Variants in PSPH observed in about 807,000 individuals in gnomAD.
PSPH encodes the protein L-3-phosphoserine phosphatase.
Under a neutral mutation model 23.4 loss-of-function variants are expected in PSPH, and 16 were observed. The ratio of observed to expected loss-of-function variants is 0.68; its 90% CI spans 0.46 to 1.04. The LOEUF is 1.04. Ranked by LOEUF, PSPH falls within the 50% of genes least tolerant of loss-of-function variation. The pLI is 0.00. For synonymous variants in PSPH, 68 were observed against 99.7 expected (o/e 0.68, Z 1.89); for missense variants, 223 against 273.7 (o/e 0.81, Z 1.31).
chr7:56,034,768 G>T (rs904732552), intron 1 of PSPH, among the ~76,000 whole-genome samples: 7 of 151,554 alleles, frequency 4.6e-5, no homozygotes, highest in Non-Finnish European at 8.8e-5. Context: ...CGCCCGCCTT[G>T]GCCTCCCAAA....
intron 1 of PSPH, among the ~76,000 whole-genome samples, chr7:56,048,104 C>T: frequency 6.6e-6 from 1 of 151,884 alleles, no homozygotes; most frequent in East Asian, 2.0e-4. Context: ...CATGGTGAAA[C>T]CCCATTTCTA....
intron 1 of PSPH, among the ~76,000 whole-genome samples, chr7:56,037,867 C>G (rs1791940863): frequency 6.6e-6 from 1 of 151,644 alleles, no homozygotes; most frequent in Non-Finnish European, 1.5e-5. Flanking sequence ...CATGCACCAC[C>G]ATGCCCGGCT....
chr7:56,016,577 G>GCT (rs1554347340), intron 6 of PSPH, among the ~76,000 whole-genome samples: 1 of 149,666 alleles, frequency 6.7e-6, no homozygotes, highest in Non-Finnish European at 1.5e-5. Context: ...TCTCTGTCTT[G>GCT]TTTTTTTTTA....
At chr7:56,021,013 A>G in intron 4 of PSPH, 60 bp downstream of exon 4, 2 of 1,607,292 alleles carry the variant, frequency 1.2e-6, no homozygotes, top group East Asian at 2.2e-5. Context: ...ACTTCATCCA[A>G]AACAGTCACT....
At chr7:56,036,350 G>A (rs548107159) in intron 1 of PSPH, among the ~76,000 whole-genome samples, 1 of 152,278 alleles carries the variant, frequency 6.6e-6, no homozygotes. Flanking sequence ...ACTCAAGTAA[G>A]TAAATGTGGA....
rs1455581364 is a variant in PSPH at position 56,015,011 on chromosome 7, C to T, written c.570+12G>A. ...TACAACCTGAAAAAAAATTAGCACC[C>T]TTAATACATACAGCAGGAGGACAGG... On this transcript the variant is annotated intron_variant, in intron 7 of 7. Transcript: ENST00000275605. 10 of 1,612,822 alleles carry T rather than the reference C, an allele frequency of 6.2e-6. No individual in the cohort carries two copies. Among genetic ancestry groups the T allele is most frequent in the African/African-American group, 2.7e-5 (2 of 74,838 alleles).
chr7:56,038,636 A>G (rs1346011927), intron 1 of PSPH, among the ~76,000 whole-genome samples: 1 of 151,920 alleles, frequency 6.6e-6, no homozygotes, highest in African/African-American at 2.4e-5. Context: ...GGAGTTCAAG[A>G]CCACCCTGGG....
intron 1 of PSPH, among the ~76,000 whole-genome samples, chr7:56,045,400 T>C (rs1193397066): frequency 6.6e-6 from 1 of 151,950 alleles, no homozygotes; most frequent in Non-Finnish European, 1.5e-5. Flanking sequence ...AAGGTCGAGG[T>C]TGCAGTAAGC....
chr7:56,021,949 C>CAAAA (rs753210160), intron 3 of PSPH, among the ~76,000 whole-genome samples: 16 of 41,794 alleles, frequency 3.8e-4, no homozygotes, highest in East Asian at 2.0e-3. Context: ...GACTCCGTCT[C>CAAAA]AAAAAAAAAA....
intron 1 of PSPH, among the ~76,000 whole-genome samples, chr7:56,037,181 A>AAG (rs1459863734): frequency 6.6e-6 from 1 of 151,968 alleles, no homozygotes; most frequent in East Asian, 1.9e-4. Flanking sequence ...CTCAAAAAAA[A>AAG]AAAAAAAAAG....
intron 4 of PSPH, among the ~76,000 whole-genome samples, 163 bp downstream of exon 4, chr7:56,020,910 T>A (rs1019623289): frequency 6.6e-5 from 10 of 152,248 alleles, no homozygotes; most frequent in African/African-American, 2.4e-4. Context: ...TTGTTTGCCA[T>A]AAATATTTAT....
intron 2 of PSPH, chr7:56,033,177 A>T (rs1478564787): frequency 6.6e-6 from 1 of 152,062 alleles, no homozygotes; most frequent in African/African-American, 2.4e-5. Flanking sequence ...TTAAAAAGTA[A>T]TAATATGCAA....
chr7:56,026,028 A>G (rs1305346978), intron 3 of PSPH, among the ~76,000 whole-genome samples: 1 of 152,108 alleles, frequency 6.6e-6, no homozygotes, highest in Non-Finnish European at 1.5e-5. Flanking sequence ...CTTATACCAC[A>G]TTATTTCCTC....
intron 7 of PSPH, 29 bp from the exon 8 acceptor site, chr7:56,011,898 A>G: frequency 6.6e-7 from 1 of 1,511,584 alleles, no homozygotes; most frequent in Non-Finnish European, 9.1e-7. Flanking sequence ...GAGAGAAATG[A>G]TTTTTATTTT....
chr7:56,025,370 C>T (rs1317538793), intron 3 of PSPH, among the ~76,000 whole-genome samples: 1 of 151,886 alleles, frequency 6.6e-6, no homozygotes, highest in Non-Finnish European at 1.5e-5. Context: ...CTCTGCCTCC[C>T]TGGCTCAGCC....
intron 2 of PSPH, chr7:56,033,001 A>C (rs1245060233): frequency 1.3e-5 from 2 of 151,930 alleles, no homozygotes; most frequent in African/African-American, 4.8e-5. Context: ...GCATATATTA[A>C]ATCATTTGAA....
intron 1 of PSPH, among the ~76,000 whole-genome samples, chr7:56,035,307 T>G (rs527380758): frequency 1.3e-5 from 2 of 152,216 alleles, no homozygotes; most frequent in South Asian, 4.1e-4. Context: ...ATCGTGCCAC[T>G]GCACTACAGC....
chr7:56,047,828 A>G (rs1422307794), intron 1 of PSPH, among the ~76,000 whole-genome samples: 1 of 151,980 alleles, frequency 6.6e-6, no homozygotes, highest in Non-Finnish European at 1.5e-5. Flanking sequence ...CACCATGCCC[A>G]GTTAATTTTT....
chr7:56,017,504 T>C, intron 5 of PSPH, 125 bp from the exon 6 acceptor site: 1 of 1,516,270 alleles, frequency 6.6e-7, no homozygotes, highest in Non-Finnish European at 8.8e-7. Flanking sequence ...TGAGGTATGT[T>C]TGACAAGGTA....
Sources: gnomAD v4.1 joint callset for allele counts (sites outside exome capture counted in the v4.1 genomes callset) on GRCh38, gnomAD v4.1.1 for gene constraint, MANE v1.5 for transcripts, NCBI Gene and HGNC (gene_info 2026-07-23, HGNC 2026-07-21) for gene names.